Variants in EMC1 observed in about 807,000 individuals in gnomAD.
EMC1 encodes the protein ER membrane protein complex subunit 1.
In EMC1, 103 loss-of-function variants were observed where a neutral mutation model predicts 128.8. That is an observed-to-expected ratio of 0.80 (90% CI 0.68 to 0.94). The LOEUF is 0.94. EMC1 is among the 40% of genes least tolerant of loss of function. The probability of loss-of-function intolerance (pLI) is 0.00; values close to 1 mark genes in which losing one functional copy is unlikely to be tolerated. For missense variants in EMC1, 1,083 were observed against 1,250.6 expected (o/e 0.87, Z 2.02); for synonymous variants, 442 against 490.4 (o/e 0.90, Z 1.30).
rs2151930343 is a variant in EMC1 at position 19,216,481 on chromosome 1, T to C, written c.*2822A>G. ...TATTCAAGATACATTAGCTGAGCCT[T>C]TATAAAAACATCTCATGTACCCCAT... On this transcript the variant is annotated 3_prime_UTR_variant, in exon 23 of 23. Coordinates refer to ENST00000477853, the MANE Select transcript of EMC1 (RefSeq NM_015047.3). 1 of 152,286 alleles carries C rather than the reference T, an allele frequency of 6.6e-6. No individual in the cohort carries two copies. Among genetic ancestry groups the C allele is most frequent in the Non-Finnish European group, 1.5e-5 (1 of 68,028 alleles). 9.4% of individuals were successfully genotyped at this position (152,286 alleles called of 1,614,324 possible). A position where few individuals can be genotyped will look rare whatever the true frequency, so the allele number is the denominator to read the frequency against.
At position 19,239,926 on chromosome 1, in the gene EMC1, G is replaced by C; in HGVS notation, c.846C>G (p.Asn282Lys). ...FQPRVLPTQP[N>K]PVDASRAQFF... ...ACTGGGCCCGGGAAGCGTCCACTGG[G>C]TTGGGCTGGGTAGGCAGGACCCGGG... is the stretch of plus-strand genomic sequence containing the variant. Residue 282 changes from asparagine (N) to lysine (K), a missense_variant, in exon 8 of 23, where the codon AAC becomes AAG. Transcript: ENST00000477853. 1 of 1,614,078 alleles carries C rather than the reference G, an allele frequency of 6.2e-7. No individual in the cohort carries two copies. The highest frequency in any genetic ancestry group is 1.1e-5 in the South Asian group (1 of 91,076).
chr1:19,218,116 A>G lies in EMC1; in HGVS notation c.*1187T>C, dbSNP rs1187389736. The G allele has an allele frequency of 1.3e-5, 2 of 152,260 alleles. No individual in the cohort carries two copies. The highest frequency in any genetic ancestry group is 2.9e-5 in the Non-Finnish European group (2 of 68,044). 9.4% of individuals were successfully genotyped at this position (152,260 alleles called of 1,614,324 possible). A position where few individuals can be genotyped will look rare whatever the true frequency, so the allele number is the denominator to read the frequency against. On this transcript the variant is annotated 3_prime_UTR_variant, in exon 23 of 23. Transcript: ENST00000477853. ...CATTTGTCACTTGCTTTATGCAAAC[A>G]TTCGAGTGTACCTCTTTCACCACAG...
At chr1:19,223,324 G>T in intron 19 of EMC1, 72 bp downstream of exon 19, 1 of 1,398,248 alleles carries the variant, frequency 7.2e-7, no homozygotes, top group Non-Finnish European at 9.9e-7. Flanking sequence ...GCAGCAACTG[G>T]GTTTCTGGAA....
rs1284634344 is a variant in EMC1, at chr1:19,230,862, A to G, written c.2046T>C (p.Cys682=). The change falls in exon 17 of 23, where the codon TGT becomes TGC. Residue 682 remains cysteine, a synonymous_variant. Coordinates refer to ENST00000477853, the MANE Select transcript of EMC1 (RefSeq NM_015047.3). ...YLVDAEQGRL[C]GYRLRKDLTT... is the part of the protein sequence containing the mutation. ...TTCCTACCTTTCGAAGCCGATATCC[A>G]CACAGCCGTCCCTGCTCTGCATCCA... The G allele has an allele frequency of 3.7e-5, 59 of 1,614,094 alleles. No individual in the cohort carries two copies. Among genetic ancestry groups the G allele is most frequent in the Admixed American group, 1.2e-4 (7 of 60,008 alleles).
At position 19,223,389 on chromosome 1, in the gene EMC1, C is replaced by T. The variant is rs376119343; in HGVS notation, c.2376+7G>A. On this transcript the variant is annotated splice_region_variant and intron_variant, in intron 19 of 22. Coordinates refer to ENST00000477853, the MANE Select transcript of EMC1 (RefSeq NM_015047.3). Reference sequence around the variant, plus strand: ...GCTACCTTGGGTCCCTGGTAGTGACCGCTTACCACCACCCAGTTCTCTGAA... The same window carrying T: ...GCTACCTTGGGTCCCTGGTAGTGACTGCTTACCACCACCCAGTTCTCTGAA... 1.7e-5 allele frequency: 27 copies of T among 1,612,524 alleles called. 1 individual carries two copies. Among genetic ancestry groups the T allele is most frequent in the South Asian group, 2.2e-5 (2 of 91,002 alleles).
In EMC1 at chr1:19,228,900, A is replaced by G. The variant is rs191925501; in HGVS notation, c.2065-1450T>C. On this transcript the variant is annotated intron_variant, in intron 17 of 22. Transcript: ENST00000477853. ...AACCCCGTCTCTACTGAAAATACAA[A>G]AATTAGCCAGGCATGGTGGCGTGCA... is the stretch of plus-strand genomic sequence containing the variant. 3.7e-3 allele frequency among the ~76,000 whole-genome samples: 566 copies of G among 152,232 alleles called. 12 individuals are homozygous for G. Among genetic ancestry groups the G allele is most frequent in the Admixed American group, 0.029 (447 of 15,294 alleles).
Position 19,231,399 on chromosome 1 carries a change from A to G in EMC1, c.1806T>C (p.Tyr602=), listed in dbSNP as rs372717647. 1 of 1,612,204 alleles carries G rather than the reference A, an allele frequency of 6.2e-7. No homozygotes were observed. The highest frequency in any genetic ancestry group is 8.5e-7 in the Non-Finnish European group (1 of 1,179,614). ...KDKESGMSSL[Y]VFNPIFGKWS... ...ACTTCCCAAAAATGGGATTGAAGAC[A>G]TACAGAGAACTCATTCCCGACTCCT... is the stretch of plus-strand genomic sequence containing the variant. The change falls in exon 16 of 23, where the codon TAT becomes TAC. Residue 602 remains tyrosine, a synonymous_variant. Transcript: ENST00000477853.
intron 12 of EMC1, among the ~76,000 whole-genome samples, chr1:19,236,397 C>T (rs2093563802): frequency 6.6e-6 from 1 of 151,830 alleles, no homozygotes; most frequent in Non-Finnish European, 1.5e-5. Context: ...TGGCTCACAC[C>T]TGTAATCCCA....
At chr1:19,239,396 T>TA (rs1370958475) in intron 8 of EMC1, 94 bp from the exon 9 acceptor site, 48 of 1,154,068 alleles carry the variant, frequency 4.2e-5, no homozygotes, top group Non-Finnish European at 5.0e-5. Context: ...CCCTTGGCCT[T>TA]AGAGTTGAAA....
intron 1 of EMC1, among the ~76,000 whole-genome samples, chr1:19,246,038 G>C (rs896943473): frequency 6.6e-6 from 1 of 152,078 alleles, no homozygotes; most frequent in East Asian, 1.9e-4. Flanking sequence ...CCAGGAGGTC[G>C]AGGCTGCAGT....
chr1:19,223,149 T>C lies in EMC1; in HGVS notation c.2376+247A>G, dbSNP rs192907435. The C allele has an allele frequency of 4.6e-5, 26 of 562,400 alleles. No homozygotes were observed. In the Middle Eastern group the frequency reaches 2.3e-3, roughly 50 times the overall value. 34.8% of individuals were successfully genotyped at this position (562,400 alleles called of 1,614,324 possible). On this transcript the variant is annotated intron_variant, in intron 19 of 22. Coordinates refer to ENST00000477853, the MANE Select transcript of EMC1 (RefSeq NM_015047.3). Reference sequence around the variant, plus strand: ...GAAGGTGACTGTTATTATCCCTATTTTAACAATGATGCAACACAGAGCGTG... The same window carrying C: ...GAAGGTGACTGTTATTATCCCTATTCTAACAATGATGCAACACAGAGCGTG...
At position 19,236,999 on chromosome 1, in the gene EMC1, A is replaced by T. The variant is rs575479009; in HGVS notation, c.1309+143T>A. 7.2e-6 allele frequency: 4 copies of T among 559,210 alleles called. No homozygotes were observed. In the East Asian group the frequency reaches 1.2e-4, roughly 17 times the overall value. The allele number at this position is 559,210 out of a possible 1,614,324, so 34.6% of individuals were successfully genotyped here. A position where few individuals can be genotyped will look rare whatever the true frequency, so the allele number is the denominator to read the frequency against. On this transcript the variant is annotated intron_variant, in intron 12 of 22. Transcript: ENST00000477853. Reference sequence around the variant, plus strand: ...AAAAAAAAAAAAAAAAAAGCAGGTGACATTTGGCTATGAACGAAACACTCA... The same window carrying T: ...AAAAAAAAAAAAAAAAAAGCAGGTGTCATTTGGCTATGAACGAAACACTCA...
At chr1:19,243,334 T>C (rs1002763472) in intron 4 of EMC1, among the ~76,000 whole-genome samples, 2 of 152,228 alleles carry the variant, frequency 1.3e-5, no homozygotes, top group African/African-American at 2.4e-5. Context: ...TTTTATATTA[T>C]GTTCTTATAT....
In EMC1 at chr1:19,219,624, A is replaced by G; in HGVS notation, c.2747T>C (p.Val916Ala). 6.2e-7 allele frequency: 1 copy of G among 1,612,810 alleles called. No individual in the cohort carries two copies. Among genetic ancestry groups the G allele is most frequent in the Non-Finnish European group, 8.5e-7 (1 of 1,179,548 alleles). Residue 916 changes from valine to alanine, a missense_variant, in exon 22 of 23, where the codon GTT becomes GCT. Around this residue, in one of 3 missense-constraint regions of EMC1, gnomAD observed 527 missense variants for 644.1 expected, o/e 0.82. Transcript: ENST00000477853. ...TGTGTAGATACCTCGCATTCGAGAA[A>G]CTGTCTGGTTATAGTTGATGAATCG... ...AERFINYNQT[V>A]SRMRGIYTAP...
At chr1:19,240,783 C>T (rs937581097) in intron 6 of EMC1, 5 of 583,776 alleles carry the variant, frequency 8.6e-6, no homozygotes, top group Non-Finnish European at 1.5e-5. Context: ...AAGATACTTA[C>T]AGGCAGAGAC....
chr1:19,221,523 C>T (rs1433784741), intron 20 of EMC1: 1 of 151,556 alleles, frequency 6.6e-6, no homozygotes, highest in Middle Eastern at 3.2e-3. Flanking sequence ...GTAGTCCCAG[C>T]TACTCAGCAG....
chr1:19,222,838 C>A lies in EMC1; in HGVS notation c.2377-4G>T. 6.2e-7 allele frequency: 1 copy of A among 1,600,144 alleles called. No individual in the cohort carries two copies. The highest frequency in any genetic ancestry group is 1.7e-5 in the Admixed American group (1 of 59,276). On this transcript the variant is annotated splice_region_variant and splice_polypyrimidine_tract_variant and intron_variant, in intron 19 of 22. Transcript: ENST00000477853. ...CCTTGGTGTTCCAGTACTGGTACTG[C>A]AGGGATAGGAGGTGGCAGCTCAGGG...
chr1:19,225,886 C>CATA (rs2093469466), intron 18 of EMC1, among the ~76,000 whole-genome samples: 1 of 151,672 alleles, frequency 6.6e-6, no homozygotes, highest in Admixed American at 6.6e-5. Flanking sequence ...CTATTCTAAT[C>CATA]ACTTTACATG....
chr1:19,240,391 T>A lies in EMC1; in HGVS notation c.692A>T (p.Asp231Val). 1 of 1,614,158 alleles carries A rather than the reference T, an allele frequency of 6.2e-7. No individual in the cohort carries two copies. The highest frequency in any genetic ancestry group is 8.5e-7 in the Non-Finnish European group (1 of 1,180,018). ...GTCAGGACACACCAGGACAGCCTCA[T>A]CCACCACACCACAGGCTCCAGACAG... ...QHLSGACGVV[D>V]EAVLVCPDPS... is the part of the protein sequence containing the mutation. The change falls in exon 7 of 23, where the codon GAT (aspartate) becomes GTT (valine). Residue 231 changes from aspartate to valine, a missense_variant. Physicochemically the swap from Asp to Val is radical, Grantham distance 152. This residue lies in a region of EMC1 where 544 missense variants were observed against 572.4 expected (regional missense o/e 0.95). Coordinates refer to ENST00000477853, the MANE Select transcript of EMC1 (RefSeq NM_015047.3).
Sources: allele counts gnomAD v4.1 joint callset (sites outside exome capture counted in the v4.1 genomes callset), GRCh38; gene constraint gnomAD v4.1.1; regional missense constraint gnomAD v4.1.1; transcripts MANE v1.5; gene names NCBI Gene and HGNC (gene_info 2026-07-23, HGNC 2026-07-21).